The following MACROH2A1 variants were observed in gnomAD, a reference collection of about 807,000 sequenced individuals.
MACROH2A1 encodes the protein core histone macro-H2A.1.
A neutral mutation model predicts 31.6 loss-of-function variants in MACROH2A1; 2 were observed. That is an observed-to-expected ratio of 0.06 (90% CI 0.03 to 0.20). The LOEUF (loss-of-function observed/expected upper bound fraction) is 0.20, where lower values mean the gene tolerates loss of function less well. MACROH2A1 is among the 10% of genes least tolerant of loss of function. The pLI is 1.00. For missense variants in MACROH2A1, 230 were observed against 474.0 expected, an observed-to-expected ratio of 0.49 and a Z score of 4.78; for synonymous variants, 169 against 189.6, an observed-to-expected ratio of 0.89 and a Z score of 0.89.
rs374814806 is a variant in MACROH2A1, at chr5:135,334,985, G to A, written c.1110C>T (p.Asp370=). The A allele has an allele frequency of 2.6e-5, 42 of 1,613,390 alleles. No individual in the cohort carries two copies. In the African/African-American group the frequency reaches 3.5e-4, roughly 13 times the overall value. ...TCTGTCATTGCTCAGCCTAGTTGGC[G>A]TCCAGCTTGGCCATTTCCTGCACAT... is the stretch of plus-strand genomic sequence containing the variant. ...GIYVQEMAKL[D]AN is the part of the protein sequence containing the mutation. The change falls in exon 9 of 9, where the codon GAC becomes GAT. Residue 370 remains aspartate (D), a synonymous_variant. Transcript: ENST00000511689.
chr5:135,391,447 G>A (rs527680493), intron 1 of MACROH2A1, among the ~76,000 whole-genome samples: 13 of 152,302 alleles, frequency 8.5e-5, no homozygotes, highest in South Asian at 6.2e-4. Flanking sequence ...GAAAGGATCC[G>A]TTAGCACTCA....
At chr5:135,350,485 C>A (rs551548058) in intron 6 of MACROH2A1, among the ~76,000 whole-genome samples, 91 of 152,298 alleles carry the variant, frequency 6.0e-4, no homozygotes, top group African/African-American at 2.0e-3. Context: ...GGTTGTCACT[C>A]AGTCCATGTG....
intron 2 of MACROH2A1, among the ~76,000 whole-genome samples, chr5:135,381,636 C>G (rs766652999): frequency 3.3e-5 from 5 of 151,812 alleles, no homozygotes; most frequent in Admixed American, 6.6e-5. Context: ...CAAGCAGATT[C>G]AAAAAAGAAT....
At chr5:135,336,483 C>G (rs1758688987) in intron 8 of MACROH2A1, among the ~76,000 whole-genome samples, 1 of 152,190 alleles carries the variant, frequency 6.6e-6, no homozygotes, top group Admixed American at 6.5e-5. Context: ...GGGGGCAACC[C>G]AGGGTTCCTT....
intron 2 of MACROH2A1, among the ~76,000 whole-genome samples, chr5:135,386,365 A>G (rs1766403654): frequency 6.6e-6 from 1 of 152,250 alleles, no homozygotes; most frequent in East Asian, 1.9e-4. Context: ...AGGGGCAGGC[A>G]TGGTCATGCC....
chr5:135,380,734 C>T (rs201001835), intron 2 of MACROH2A1, among the ~76,000 whole-genome samples: 2 of 152,236 alleles, frequency 1.3e-5, no homozygotes, highest in East Asian at 1.9e-4. Flanking sequence ...ACTACATGTG[C>T]CCATTATCCT....
intron 8 of MACROH2A1, among the ~76,000 whole-genome samples, chr5:135,340,908 G>A (rs548141438): frequency 4.9e-4 from 74 of 152,294 alleles, no homozygotes; most frequent in African/African-American, 1.7e-3. Context: ...CTGTACACAT[G>A]TGCTGCCTTA....
intron 5 of MACROH2A1, chr5:135,357,354 A>G (rs1762296951): frequency 6.6e-6 from 1 of 152,124 alleles, no homozygotes. Context: ...TTTTCTCCTC[A>G]CTGATGCTTC....
intron 2 of MACROH2A1, among the ~76,000 whole-genome samples, chr5:135,386,724 C>A (rs1174559349): frequency 6.6e-6 from 1 of 152,156 alleles, no homozygotes; most frequent in Non-Finnish European, 1.5e-5. Context: ...ACCAGCTATG[C>A]CCAGACCAGG....
chr5:135,386,121 G>A (rs1294311358), intron 2 of MACROH2A1, among the ~76,000 whole-genome samples: 1 of 152,206 alleles, frequency 6.6e-6, no homozygotes, highest in Non-Finnish European at 1.5e-5. Flanking sequence ...ACATCCACGT[G>A]CTCCCACATC....
Position 135,335,629 on chromosome 5 carries a change from T to C in MACROH2A1, c.954-488A>G, listed in dbSNP as rs116772732. Among the ~76,000 whole-genome samples, 407 of 152,224 alleles carry C rather than the reference T, an allele frequency of 2.7e-3. 2 individuals are homozygous for C. Among genetic ancestry groups the C allele is most frequent in the African/African-American group, 9.2e-3 (383 of 41,516 alleles). ...GGGGCCACCGCCCAGGAATCCACCCTCTAACACACACCAGCGGTACCACCC... is the reference window on the plus strand; with the variant it reads ...GGGGCCACCGCCCAGGAATCCACCCCCTAACACACACCAGCGGTACCACCC... On this transcript the variant is annotated intron_variant, in intron 8 of 8. Transcript: ENST00000511689.
At chr5:135,338,245 G>C (rs1289703350) in intron 8 of MACROH2A1, among the ~76,000 whole-genome samples, 3 of 152,242 alleles carry the variant, frequency 2.0e-5, no homozygotes, top group African/African-American at 7.2e-5. Flanking sequence ...CCAGGGTAGA[G>C]AAGCAGAGTG....
At position 135,346,038 on chromosome 5, in the gene MACROH2A1, T is replaced by C. The variant is rs780802411; in HGVS notation, c.708A>G (p.Lys236=). Residue 236 remains lysine, a synonymous_variant, in exon 7 of 9, where the codon AAA becomes AAG. Coordinates refer to ENST00000511689, the MANE Select transcript of MACROH2A1 (RefSeq NM_138610.3). ...KDDLGNTLEK[K]GGKEFVEAVL... The stretch of plus-strand genomic sequence containing the variant: ...CAGCTTCCACAAACTCCTTGCCACC[T>C]TTCTTCTCCAGCGTGTTTCCTAGAC... 10 of 1,613,588 alleles carry C rather than the reference T, an allele frequency of 6.2e-6. No individual in the cohort carries two copies. The Admixed American group carries it at 6.7e-5, about 11-fold the overall frequency.
At chr5:135,378,789 A>G (rs543965287) in intron 2 of MACROH2A1, among the ~76,000 whole-genome samples, 3 of 152,342 alleles carry the variant, frequency 2.0e-5, no homozygotes, top group Admixed American at 1.3e-4. Context: ...ACTGTTCAAC[A>G]TACGGCAGAT....
intron 5 of MACROH2A1, chr5:135,354,736 G>A (rs1581195967): frequency 3.4e-6 from 1 of 297,016 alleles, no homozygotes; most frequent in East Asian, 9.6e-5. Flanking sequence ...TTAGGGTAAG[G>A]CAAGTGAACT....
chr5:135,370,183 C>T, intron 2 of MACROH2A1, 41 bp from the exon 3 acceptor site: 1 of 1,278,662 alleles, frequency 7.8e-7, no homozygotes. Flanking sequence ...TGTTAGAGGA[C>T]CATGTGTCCC....
Position 135,386,982 on chromosome 5 carries a change from C to T in MACROH2A1, c.172+1940G>A, listed in dbSNP as rs184110563. 2.6e-5 allele frequency among the ~76,000 whole-genome samples: 4 copies of T among 152,186 alleles called. No individual in the cohort carries two copies. The South Asian group carries it at 8.3e-4, about 32-fold the overall frequency. ...CCCATTATGTGCACAGCACCTTTGG[C>T]CTTCACAGCAGCCTGGAGTTGGAGT... On this transcript the variant is annotated intron_variant, in intron 2 of 8. Transcript: ENST00000511689.
chr5:135,367,655 T>G (rs1332796716), intron 4 of MACROH2A1, among the ~76,000 whole-genome samples: 1 of 152,132 alleles, frequency 6.6e-6, no homozygotes, highest in African/African-American at 2.4e-5. Context: ...GTATCAACAG[T>G]GAACGCATGA....
intron 6 of MACROH2A1, among the ~76,000 whole-genome samples, chr5:135,348,619 G>A (rs1761143016): frequency 6.6e-6 from 1 of 152,250 alleles, no homozygotes; most frequent in African/African-American, 2.4e-5. Flanking sequence ...ATCAAAGTGG[G>A]AGCTGGAACC....
Sources: allele counts gnomAD v4.1 joint callset (sites outside exome capture counted in the v4.1 genomes callset), GRCh38; gene constraint gnomAD v4.1.1; transcripts MANE v1.5; gene names NCBI Gene and HGNC (gene_info 2026-07-23, HGNC 2026-07-21).